OPTN: variants seen among roughly 807,000 people sequenced by gnomAD.
OPTN encodes the protein optineurin, also known as E3-14.7K-interacting protein.
In OPTN, 54 loss-of-function variants were observed where a neutral mutation model predicts 70.4. The ratio of observed to expected loss-of-function variants is 0.77; its 90% confidence interval spans 0.62 to 0.96. OPTN has a LOEUF of 0.96. OPTN is among the 40% of genes least tolerant of loss of function. OPTN has a pLI of 0.00. For synonymous variants in OPTN, 256 were observed against 248.5 expected (o/e 1.03, Z -0.28); for missense variants, 624 against 673.2 (o/e 0.93, Z 0.81).
In OPTN at chr10:13,115,970, G is replaced by A. The variant is rs1449066580; in HGVS notation, c.553-297G>A. ...AGAAAGAGGGAACTGCCAAGGAAAG[G>A]GAGGAGCAGATAAGCTTTCATGTTT... On this transcript the variant is annotated intron_variant, in intron 5 of 14. Transcript: ENST00000378747. 2.0e-5 allele frequency among the ~76,000 whole-genome samples: 3 copies of A among 152,218 alleles called. No individual in the cohort carries two copies. The East Asian group carries it at 5.8e-4, about 29-fold the overall frequency.
rs762189013 is a variant in OPTN at position 13,126,049 on chromosome 10, G to GA, written c.1242+17dup. 1.3e-6 allele frequency: 2 copies of GA among 1,545,082 alleles called. No individual in the cohort carries two copies. The highest frequency in any genetic ancestry group is 2.2e-5 in the East Asian group (1 of 44,506). On this transcript the variant is annotated intron_variant, in intron 11 of 14. Transcript: ENST00000378747. ...ACTAACAAGAAAAGAGGTATTCACT[G>GA]AAAAAAATTACTTCCATAGCCTAGT...
intron 3 of OPTN, among the ~76,000 whole-genome samples, chr10:13,109,853 A>AAAAAAG (rs1554768326): frequency 7.2e-6 from 1 of 139,268 alleles, no homozygotes; most frequent in Non-Finnish European, 1.5e-5. Flanking sequence ...AAAAAAAAAA[A>AAAAAAG]GGAAAAAGGA....
intron 12 of OPTN, chr10:13,131,620 C>T (rs565174944): frequency 1.2e-5 from 2 of 167,172 alleles, no homozygotes; most frequent in Non-Finnish European, 2.6e-5. Context: ...TAGGACCTCA[C>T]ACATGTTTGG....
intron 2 of OPTN, chr10:13,108,840 C>T (rs1588432918): frequency 2.4e-6 from 1 of 413,052 alleles, no homozygotes; most frequent in East Asian, 5.1e-5. Context: ...GCCACCACGC[C>T]CGGCCCTCAT....
Position 13,112,480 on chromosome 10 carries a change from A to G in OPTN, c.397A>G (p.Arg133Gly). 1 of 1,614,000 alleles carries G rather than the reference A, an allele frequency of 6.2e-7. No individual in the cohort carries two copies. Among genetic ancestry groups the G allele is most frequent in the East Asian group, 2.2e-5 (1 of 44,852 alleles). ...EDPTDDSRLP[R>G]AEAEQEKDQL... ...CCCCACTGATGACTCCAGGCTTCCC[A>G]GGGCCGAAGCGGAGCAGGAAAAGGA... is the stretch of plus-strand genomic sequence containing the variant. The change falls in exon 5 of 15, where the codon AGG (arginine) becomes GGG (glycine). Residue 133 changes from arginine (R) to glycine (G), a missense_variant. Transcript: ENST00000378747.
At chr10:13,135,175 A>C (rs1013600411) in intron 14 of OPTN, among the ~76,000 whole-genome samples, 1 of 152,230 alleles carries the variant, frequency 6.6e-6, no homozygotes, top group Non-Finnish European at 1.5e-5. Context: ...GTCTAGGCTG[A>C]GTCCAAAAAA....
chr10:13,132,818 A>G (rs1435324354), intron 13 of OPTN, among the ~76,000 whole-genome samples: 3 of 152,224 alleles, frequency 2.0e-5, no homozygotes, highest in Admixed American at 2.0e-4. Flanking sequence ...TTATTTTGAG[A>G]AAGTTTTAAA....
At chr10:13,125,194 A>G (rs1313346519) in intron 9 of OPTN, among the ~76,000 whole-genome samples, 2 of 152,224 alleles carry the variant, frequency 1.3e-5, no homozygotes, top group African/African-American at 4.8e-5. Flanking sequence ...AGAGGACAGT[A>G]CTGCATGTGA....
At chr10:13,121,140 A>G (rs1833339887) in intron 7 of OPTN, among the ~76,000 whole-genome samples, 1 of 152,158 alleles carries the variant, frequency 6.6e-6, no homozygotes, top group Admixed American at 6.5e-5. Flanking sequence ...GGTGGGGACA[A>G]CAAAGCCTAA....
chr10:13,124,159 C>T, intron 9 of OPTN, 49 bp downstream of exon 9: 1 of 1,030,754 alleles, frequency 9.7e-7, no homozygotes, highest in Middle Eastern at 2.1e-4. Flanking sequence ...TACATTTTTA[C>T]AAAGTATACT....
At chr10:13,100,909 G>A (rs529516211) in intron 1 of OPTN, among the ~76,000 whole-genome samples, 17 of 152,238 alleles carry the variant, frequency 1.1e-4, no homozygotes, top group Non-Finnish European at 2.5e-4. Context: ...GCCTCCACCA[G>A]CAGGAAAACT....
intron 8 of OPTN, chr10:13,123,029 A>G (rs1833385427): frequency 6.1e-6 from 1 of 163,990 alleles, no homozygotes; most frequent in South Asian, 1.6e-4. Flanking sequence ...TCTCTTCTTG[A>G]CTGATTTCTT....
At chr10:13,116,139 T>C in intron 5 of OPTN, 128 bp from the exon 6 acceptor site, 2 of 725,840 alleles carry the variant, frequency 2.8e-6, no homozygotes, top group South Asian at 3.0e-5. Flanking sequence ...ACAGTGCACA[T>C]CTGAATGTTT....
intron 1 of OPTN, among the ~76,000 whole-genome samples, chr10:13,101,385 A>G (rs1172738906): frequency 6.9e-6 from 1 of 145,316 alleles, no homozygotes; most frequent in Non-Finnish European, 1.5e-5. Context: ...TAACTAACCT[A>G]ACCTCCACCC....
At chr10:13,111,878 T>G (rs2895549) in intron 4 of OPTN, among the ~76,000 whole-genome samples, 3 of 141,388 alleles carry the variant, frequency 2.1e-5, no homozygotes, top group East Asian at 4.4e-4. Context: ...GATGGAGTCT[T>G]GCTCTGTTGC....
chr10:13,101,408 A>AG (rs397967855), intron 1 of OPTN, among the ~76,000 whole-genome samples: 2 of 41,308 alleles, frequency 4.8e-5, no homozygotes, highest in Non-Finnish European at 5.4e-5. Context: ...CCACCCCCCC[A>AG]CCCACCCCCG....
chr10:13,132,154 G>T lies in OPTN; in HGVS notation c.1489G>T (p.Ala497Ser). Reference sequence around the variant, plus strand: ...AAAGGAGCAACTGGCATTGCAGCTGGCAGTTCTGCTGAAAGAGAATGATGC... The same window carrying T: ...AAAGGAGCAACTGGCATTGCAGCTGTCAGTTCTGCTGAAAGAGAATGATGC... Reference protein sequence around the residue: ...EEKEQLALQLAVLLKENDAFE... With the variant: ...EEKEQLALQLSVLLKENDAFE... The change falls in exon 13 of 15, where the codon GCA becomes TCA. Residue 497 changes from alanine (A) to serine (S), a missense_variant. Coordinates refer to ENST00000378747, the MANE Select transcript of OPTN (RefSeq NM_001008212.2). 1.2e-6 allele frequency: 2 copies of T among 1,613,622 alleles called. No individual in the cohort carries two copies. Among genetic ancestry groups the T allele is most frequent in the Non-Finnish European group, 1.7e-6 (2 of 1,179,640 alleles).
intron 14 of OPTN, among the ~76,000 whole-genome samples, chr10:13,135,252 C>A (rs1022203288): frequency 1.3e-5 from 2 of 152,176 alleles, no homozygotes; most frequent in African/African-American, 4.8e-5. Flanking sequence ...GAAATAATTT[C>A]TTGCATCCAT....
At chr10:13,117,516 G>A (rs1243054235) in intron 6 of OPTN, among the ~76,000 whole-genome samples, 4 of 137,948 alleles carry the variant, frequency 2.9e-5, no homozygotes, top group Non-Finnish European at 6.1e-5. Context: ...CGCAATCTCA[G>A]CTCACTGCAA....
Sources: gnomAD v4.1 joint callset for allele counts (sites outside exome capture counted in the v4.1 genomes callset) on GRCh38, gnomAD v4.1.1 for gene constraint, MANE v1.5 for transcripts, NCBI Gene and HGNC (gene_info 2026-07-23, HGNC 2026-07-21) for gene names.